The following THSD1 variants were observed in gnomAD, a reference collection of about 807,000 sequenced individuals.
THSD1 encodes thrombospondin type 1 domain containing 1, also known as thrombospondin type-1 domain-containing protein 1.
In THSD1, 34 loss-of-function variants were observed where a neutral mutation model predicts 46.3. The ratio of observed to expected loss-of-function variants is 0.74; its 90% CI spans 0.56 to 0.98. THSD1 has a LOEUF of 0.98. Among genes scored for constraint, THSD1 ranks in the 50% least tolerant of loss-of-function variants. The pLI is 0.00. For missense variants in THSD1, 1,023 were observed against 1,058.3 expected, an observed-to-expected ratio of 0.97 and a Z score of 0.46; for synonymous variants, 407 against 416.5, an observed-to-expected ratio of 0.98 and a Z score of 0.28.
Position 52,386,091 on chromosome 13 carries a change from A to T in THSD1, c.1117T>A (p.Ser373Thr), listed in dbSNP as rs553845816. The change falls in exon 4 of 5, where the codon TCC (serine) becomes ACC (threonine). Residue 373 changes from serine to threonine, a missense_variant. Ser to Thr is a moderately conservative substitution (Grantham distance 58, BLOSUM62 1). Transcript: ENST00000258613. ...RRRVCLTSFPSSPVCPGMSLE... is the reference protein window; with the variant it reads ...RRRVCLTSFPTSPVCPGMSLE... ...GACATTCCAGGGCAGACAGGACTGG[A>T]GGGGAAGGAAGTGAGACACACTCGG... 1.2e-6 allele frequency: 2 copies of T among 1,614,152 alleles called. No individual in the cohort carries two copies. Among genetic ancestry groups the T allele is most frequent in the South Asian group, 2.2e-5 (2 of 91,074 alleles).
Position 52,386,145 on chromosome 13 carries a change from T to C in THSD1, c.1063A>G (p.Thr355Ala), listed in dbSNP as rs1158036062. The change falls in exon 4 of 5, where the codon ACA (threonine) becomes GCA (alanine). Residue 355 changes from threonine to alanine, a missense_variant. Physicochemically the swap from Thr to Ala is moderately conservative, Grantham distance 58. Around this residue, in one of 3 missense-constraint regions of THSD1, gnomAD observed 429 missense variants for 518.3 expected, o/e 0.83. Coordinates refer to ENST00000258613, the MANE Select transcript of THSD1 (RefSeq NM_018676.4). Reference sequence around the variant, plus strand: ...CGCTCTCTGACACCATCCCCACATGTGGCACTACACTGGCTCCATGGCTGC... The same window carrying C: ...CGCTCTCTGACACCATCCCCACATGCGGCACTACACTGGCTCCATGGCTGC... ...LWQPWSQCSA[T>A]CGDGVRERRR... 1 of 1,614,164 alleles carries C rather than the reference T, an allele frequency of 6.2e-7. No individual in the cohort carries two copies. The highest frequency in any genetic ancestry group is 1.7e-5 in the Admixed American group (1 of 60,012).
At chr13:52,393,702 GT>G (rs1349126792) in intron 3 of THSD1, among the ~76,000 whole-genome samples, 6 of 152,074 alleles carry the variant, frequency 3.9e-5, no homozygotes, top group Admixed American at 2.6e-4. Context: ...TATTATTCTA[GT>G]TTCAAAAGGA....
intron 3 of THSD1, among the ~76,000 whole-genome samples, chr13:52,389,444 A>T (rs1957757195): frequency 6.6e-6 from 1 of 152,184 alleles, no homozygotes; most frequent in Admixed American, 6.5e-5. Context: ...TAATCTAAAC[A>T]CTAAGTTAAA....
intron 3 of THSD1, among the ~76,000 whole-genome samples, chr13:52,391,247 C>T (rs1957771087): frequency 6.6e-6 from 1 of 151,240 alleles, no homozygotes. Flanking sequence ...GACAATGTCT[C>T]ACTCTGCTGC....
intron 3 of THSD1, among the ~76,000 whole-genome samples, chr13:52,396,644 T>C (rs1957814527): frequency 6.6e-6 from 1 of 152,192 alleles, no homozygotes; most frequent in Non-Finnish European, 1.5e-5. Context: ...AAGAGCAGCA[T>C]AGGGAATTAA....
rs115670801 is a variant in THSD1, at chr13:52,398,324, G to C, written c.59-130C>G. The C allele has an allele frequency of 9.5e-4, 1,335 of 1,405,162 alleles. 17 individuals are homozygous for C. The African/African-American group carries it at 0.016, about 16-fold the overall frequency. The allele number at this position is 1,405,162 out of a possible 1,614,324, so 87.0% of individuals were successfully genotyped here. A position where few individuals can be genotyped will look rare whatever the true frequency, so the allele number is the denominator to read the frequency against. On this transcript the variant is annotated intron_variant, in intron 2 of 4. Transcript: ENST00000258613. Reference sequence around the variant, plus strand: ...CTCATGCTGTCACCGAGGCTAGAGTGCAGTGGCGCAATCACTGCTCGCTGT... The same window carrying C: ...CTCATGCTGTCACCGAGGCTAGAGTCCAGTGGCGCAATCACTGCTCGCTGT...
intron 3 of THSD1, among the ~76,000 whole-genome samples, chr13:52,387,392 A>G (rs1957740680): frequency 6.6e-6 from 1 of 152,224 alleles, no homozygotes; most frequent in African/African-American, 2.4e-5. Context: ...CTCCATGTCT[A>G]TAGTTTCAAA....
Position 52,397,271 on chromosome 13 carries a change from A to G in THSD1, c.982T>C (p.Ser328Pro), listed in dbSNP as rs746631078. 1.9e-6 allele frequency: 3 copies of G among 1,609,992 alleles called. No homozygotes were observed. The highest frequency in any genetic ancestry group is 1.1e-5 in the South Asian group (1 of 90,124). The change falls in exon 3 of 5, where the codon TCT (serine) becomes CCT (proline). Residue 328 changes from serine to proline, a missense_variant. Around this residue, in one of 3 missense-constraint regions of THSD1, gnomAD observed 429 missense variants for 518.3 expected, o/e 0.83. Transcript: ENST00000258613. ...ATTAGCATGCACTCCTCCTTTGCAG[A>G]AAAATGGCTTCTGCTTGAAATGCCA... is the stretch of plus-strand genomic sequence containing the variant. ...DFGISSRSHF[S>P]AKEECMLIQR...
At chr13:52,384,359 C>T (rs1200355295) in intron 4 of THSD1, 1 of 455,788 alleles carries the variant, frequency 2.2e-6, no homozygotes, top group Admixed American at 2.4e-5. Flanking sequence ...AAATCCAGTG[C>T]CCCTACTTTC....
In THSD1 at chr13:52,398,208, G is replaced by T; in HGVS notation, c.59-14C>A. The T allele has an allele frequency of 6.3e-7, 1 of 1,597,148 alleles. No homozygotes were observed. Among genetic ancestry groups the T allele is most frequent in the Non-Finnish European group, 8.5e-7 (1 of 1,171,036 alleles). On this transcript the variant is annotated splice_polypyrimidine_tract_variant and intron_variant, in intron 2 of 4. Transcript: ENST00000258613. ...CTTCTCCAAGAACTGAAATGAAGTGGTCAGAATTGGTTTTTAAAAGGTGCA... is the reference window on the plus strand; with the variant it reads ...CTTCTCCAAGAACTGAAATGAAGTGTTCAGAATTGGTTTTTAAAAGGTGCA...
At chr13:52,393,184 C>G (rs1428717997) in intron 3 of THSD1, among the ~76,000 whole-genome samples, 3 of 152,140 alleles carry the variant, frequency 2.0e-5, no homozygotes, top group Admixed American at 2.0e-4. Flanking sequence ...GCCTCCATTT[C>G]ATCACCTATA....
At position 52,397,315 on chromosome 13, in the gene THSD1, T is replaced by C; in HGVS notation, c.938A>G (p.Asn313Ser). Residue 313 changes from asparagine to serine, a missense_variant, in exon 3 of 5, where the codon AAT (asparagine) becomes AGT (serine). Transcript: ENST00000258613. ...AATGCCAAAGTCAAAGCAGTACTTA[T>C]TCTTCCCCATGTCAAACAAAGTACA... ...FNCTLFDMGK[N>S]KYCFDFGISS... is the part of the protein sequence containing the mutation. 1.2e-6 allele frequency: 2 copies of C among 1,614,122 alleles called. No homozygotes were observed. The highest frequency in any genetic ancestry group is 1.7e-6 in the Non-Finnish European group (2 of 1,180,018).
intron 3 of THSD1, among the ~76,000 whole-genome samples, chr13:52,386,806 C>T (rs1432932084): frequency 6.6e-6 from 1 of 152,170 alleles, no homozygotes; most frequent in Admixed American, 6.5e-5. Flanking sequence ...AAAGCTTCAA[C>T]CACTTGGGGA....
chr13:52,398,631 T>G, intron 2 of THSD1: 36 of 984,584 alleles, frequency 3.7e-5, no homozygotes, highest in Non-Finnish European at 4.2e-5. Context: ...CTGGCCATTG[T>G]GCTCTTTCCA....
At chr13:52,385,990 T>C in intron 4 of THSD1, 38 bp downstream of exon 4, 3 of 1,601,238 alleles carry the variant, frequency 1.9e-6, no homozygotes, top group South Asian at 1.1e-5. Flanking sequence ...TGATGAAGGC[T>C]CTGAGGAGAG....
intron 4 of THSD1, among the ~76,000 whole-genome samples, chr13:52,379,179 G>T (rs1208643987): frequency 6.6e-6 from 1 of 151,868 alleles, no homozygotes; most frequent in Non-Finnish European, 1.5e-5. Context: ...GTATTTTCTA[G>T]TATTGTTTGC....
In THSD1 at chr13:52,377,645, A is replaced by C; in HGVS notation, c.2325T>G (p.Ser775=). The part of the protein sequence containing the change: ...PSHKSVSRKQ[S]SPISPKDNYQ... The stretch of plus-strand genomic sequence containing the variant: ...AGTTATCTTTGGGGGATATGGGAGA[A>C]GACTGCTTCCTTGAGACACTCTTGT... Residue 775 remains serine, a synonymous_variant, in exon 5 of 5, where the codon TCT becomes TCG. Coordinates refer to ENST00000258613, the MANE Select transcript of THSD1 (RefSeq NM_018676.4). The C allele has an allele frequency of 1.2e-6, 2 of 1,610,500 alleles. No homozygotes were observed. Among genetic ancestry groups the C allele is most frequent in the Non-Finnish European group, 1.7e-6 (2 of 1,177,054 alleles).
chr13:52,398,341 G>T, intron 2 of THSD1, 147 bp from the exon 3 acceptor site: 1 of 1,311,832 alleles, frequency 7.6e-7, no homozygotes, highest in Non-Finnish European at 1.0e-6. Context: ...CGCAATCACT[G>T]CTCGCTGTAC....
At chr13:52,399,564 C>A (rs1037015583) in intron 2 of THSD1, among the ~76,000 whole-genome samples, 1 of 152,092 alleles carries the variant, frequency 6.6e-6, no homozygotes, top group African/African-American at 2.4e-5. Flanking sequence ...CACATGAATA[C>A]CTTGGCACAC....
Sources: allele counts gnomAD v4.1 joint callset (sites outside exome capture counted in the v4.1 genomes callset), GRCh38; gene constraint gnomAD v4.1.1; regional missense constraint gnomAD v4.1.1; transcripts MANE v1.5; gene names NCBI Gene and HGNC (gene_info 2026-07-23, HGNC 2026-07-21).